The following RHOU variants were observed in gnomAD, a reference collection of about 807,000 sequenced individuals.
RHOU encodes the protein rho-related GTP-binding protein RhoU.
RHOU carries 8 observed loss-of-function variants against 12.6 expected under a neutral mutation model. The observed-to-expected ratio is 0.64, with a 90% CI of 0.37 to 1.15. RHOU has a LOEUF of 1.15. Ranked by LOEUF, RHOU falls within the 50% of genes most tolerant of loss-of-function variation. The pLI is 0.01. For missense variants in RHOU, 258 were observed against 347.0 expected (o/e 0.74, Z 2.04); for synonymous variants, 161 against 147.4 (o/e 1.09, Z -0.67).
At chr1:228,716,507 T>C in the RHOU span, among the ~76,000 whole-genome samples, 1 of 152,182 alleles carries the variant, frequency 6.6e-6, no homozygotes, top group Non-Finnish European at 1.5e-5. Flanking sequence ...TCACCATTTA[T>C]TGTCCTTTCC....
the RHOU span, among the ~76,000 whole-genome samples, chr1:228,692,466 C>T: frequency 6.6e-6 from 1 of 152,182 alleles, no homozygotes; most frequent in East Asian, 1.9e-4. Context: ...TGCCACATAC[C>T]TGTCCCTGCT....
chr1:228,659,037 G>T, the RHOU span, among the ~76,000 whole-genome samples: 1 of 152,142 alleles, frequency 6.6e-6, no homozygotes, highest in Non-Finnish European at 1.5e-5. Flanking sequence ...AGTAAAAGCA[G>T]TGCTAACAGG....
At chr1:228,702,250 C>A in the RHOU span, among the ~76,000 whole-genome samples, 1 of 151,988 alleles carries the variant, frequency 6.6e-6, no homozygotes, top group South Asian at 2.1e-4. Flanking sequence ...GATACAAGTA[C>A]CCTTTCTAAT....
the RHOU span, among the ~76,000 whole-genome samples, chr1:228,713,079 G>A: frequency 6.6e-6 from 1 of 151,828 alleles, no homozygotes. Flanking sequence ...CCCATTTCCT[G>A]GCATACAACT....
the RHOU span, among the ~76,000 whole-genome samples, chr1:228,680,567 T>C: frequency 5.9e-5 from 9 of 152,322 alleles, no homozygotes; most frequent in South Asian, 8.3e-4. Context: ...TCTATTATTG[T>C]ACACCTTGAA....
the RHOU span, among the ~76,000 whole-genome samples, chr1:228,717,828 C>T: frequency 6.6e-6 from 1 of 152,202 alleles, no homozygotes; most frequent in African/African-American, 2.4e-5. Context: ...GGACAGCTCC[C>T]ATGAATCCAG....
the RHOU span, among the ~76,000 whole-genome samples, chr1:228,727,766 G>T: frequency 2.3e-3 from 354 of 152,306 alleles, 1 homozygote; most frequent in African/African-American, 8.2e-3. Context: ...CATGATTCTA[G>T]AACTGCTGGC....
the RHOU span, among the ~76,000 whole-genome samples, chr1:228,665,872 G>A: frequency 6.6e-6 from 1 of 152,044 alleles, no homozygotes; most frequent in African/African-American, 2.4e-5. Flanking sequence ...GGTCAGCAAG[G>A]CCCCAAGATG....
chr1:228,712,872 T>TAAAATAA, the RHOU span, among the ~76,000 whole-genome samples: 2 of 138,878 alleles, frequency 1.4e-5, no homozygotes, highest in African/African-American at 6.0e-5. Context: ...TAAAATAAAA[T>TAAAATAA]AAAATACCCA....
At chr1:228,689,999 T>TA in the RHOU span, among the ~76,000 whole-genome samples, 9,686 of 151,666 alleles carry the variant, frequency 0.064, 1,014 homozygotes, top group African/African-American at 0.21. Context: ...AACCGGAATT[T>TA]AAAAAAAATG....
chr1:228,719,908 G>T, the RHOU span, among the ~76,000 whole-genome samples: 1 of 151,936 alleles, frequency 6.6e-6, no homozygotes, highest in Admixed American at 6.6e-5. Flanking sequence ...TACTATCATT[G>T]CTCCCAAGCA....
At chr1:228,680,821 C>T in the RHOU span, among the ~76,000 whole-genome samples, 1 of 152,134 alleles carries the variant, frequency 6.6e-6, no homozygotes, top group African/African-American at 2.4e-5. Flanking sequence ...TAATTAACAG[C>T]TTTGTGAGCT....
the RHOU span, among the ~76,000 whole-genome samples, chr1:228,646,784 G>T: frequency 2.0e-5 from 3 of 152,132 alleles, no homozygotes; most frequent in South Asian, 4.2e-4. Context: ...CCGCACGCGA[G>T]CACGGGTGCG....
chr1:228,671,806 T>C, the RHOU span, among the ~76,000 whole-genome samples: 1 of 151,414 alleles, frequency 6.6e-6, no homozygotes, highest in South Asian at 2.1e-4. Context: ...CAGTGGACAC[T>C]AAGTGGTCAT....
the RHOU span, among the ~76,000 whole-genome samples, chr1:228,693,490 A>G: frequency 2.0e-5 from 3 of 149,636 alleles, no homozygotes; most frequent in Admixed American, 2.0e-4. Context: ...TTTTTGACAC[A>G]GAGTCTCCCG....
the RHOU span, among the ~76,000 whole-genome samples, chr1:228,653,785 T>G: frequency 6.6e-6 from 1 of 152,210 alleles, no homozygotes; most frequent in African/African-American, 2.4e-5. Flanking sequence ...GAAATTACAA[T>G]GTAGCCAGTT....
the RHOU span, among the ~76,000 whole-genome samples, chr1:228,703,461 G>A: frequency 4.6e-5 from 7 of 151,718 alleles, no homozygotes; most frequent in African/African-American, 1.7e-4. Context: ...GGGAGGTGAT[G>A]GTTGCAGTGA....
intron 1 of RHOU, among the ~76,000 whole-genome samples, chr1:228,736,755 A>G (rs12059178): frequency 0.17 from 25,562 of 152,074 alleles, 2,823 homozygotes; most frequent in African/African-American, 0.31. Flanking sequence ...CTATCTTGCT[A>G]TTCAGGTCTT....
the RHOU span, among the ~76,000 whole-genome samples, chr1:228,668,783 C>T: frequency 6.6e-6 from 1 of 152,228 alleles, no homozygotes; most frequent in East Asian, 1.9e-4. Flanking sequence ...TCTGATCTAA[C>T]TTTGACCTCC....
Sources: gnomAD v4.1 joint callset for allele counts (sites outside exome capture counted in the v4.1 genomes callset) on GRCh38, gnomAD v4.1.1 for gene constraint, MANE v1.5 for transcripts, NCBI Gene and HGNC (gene_info 2026-07-23, HGNC 2026-07-21) for gene names.